The following PHLPP1 variants were observed in gnomAD, a reference collection of about 807,000 sequenced individuals.
PHLPP1 encodes the protein PH domain and leucine rich repeat protein phosphatase 1.
A neutral mutation model predicts 117.2 loss-of-function variants in PHLPP1; 42 were observed. The ratio of observed to expected loss-of-function variants is 0.36; its 90% CI spans 0.28 to 0.46. The LOEUF is 0.46. Among genes scored for constraint, PHLPP1 ranks in the 20% least tolerant of loss-of-function variants. PHLPP1 has a pLI of 1.00. For synonymous variants in PHLPP1, 1,042 were observed against 970.7 expected (o/e 1.07, Z -1.37); for missense variants, 2,084 against 2,241.9 (o/e 0.93, Z 1.42).
At chr18:62,958,565 A>G in intron 12 of PHLPP1, 64 bp from the exon 13 acceptor site, 1 of 1,554,802 alleles carries the variant, frequency 6.4e-7, no homozygotes, top group Non-Finnish European at 8.8e-7. Flanking sequence ...GAGTAGGAGT[A>G]TAGAATTCCC....
intron 3 of PHLPP1, among the ~76,000 whole-genome samples, chr18:62,856,592 T>C (rs1471016036): frequency 6.6e-6 from 1 of 152,114 alleles, no homozygotes; most frequent in East Asian, 1.9e-4. Flanking sequence ...CACGCCCAGC[T>C]AATTAAAAAA....
At chr18:62,946,722 C>T (rs985078615) in intron 12 of PHLPP1, among the ~76,000 whole-genome samples, 1 of 152,186 alleles carries the variant, frequency 6.6e-6, no homozygotes, top group Admixed American at 6.5e-5. Context: ...AACACTGTCT[C>T]ATACATCACA....
At chr18:62,775,811 T>C (rs1454650193) in intron 1 of PHLPP1, among the ~76,000 whole-genome samples, 2 of 152,184 alleles carry the variant, frequency 1.3e-5, no homozygotes, top group Non-Finnish European at 2.9e-5. Context: ...ATTTCCGTCA[T>C]CCCCAGAAGT....
At chr18:62,934,518 T>C (rs971999061) in intron 10 of PHLPP1, among the ~76,000 whole-genome samples, 1 of 152,086 alleles carries the variant, frequency 6.6e-6, no homozygotes, top group Non-Finnish European at 1.5e-5. Flanking sequence ...GGCTAAACAG[T>C]GTATACACAT....
chr18:62,789,682 G>C (rs1203362748), intron 1 of PHLPP1, among the ~76,000 whole-genome samples: 2 of 151,984 alleles, frequency 1.3e-5, no homozygotes, highest in African/African-American at 4.8e-5. Flanking sequence ...TGCTCTGTCT[G>C]GCTTTTGTTT....
chr18:62,748,247 G>GTTTTTTTTTTTTTTT, intron 1 of PHLPP1, among the ~76,000 whole-genome samples: 1 of 137,988 alleles, frequency 7.2e-6, no homozygotes, highest in Non-Finnish European at 1.6e-5. Flanking sequence ...GGTTTTTTTT[G>GTTTTTTTTTTTTTTT]TTTTTTTTTT....
intron 12 of PHLPP1, among the ~76,000 whole-genome samples, chr18:62,954,097 T>C (rs771998953): frequency 6.6e-6 from 1 of 152,224 alleles, no homozygotes; most frequent in Non-Finnish European, 1.5e-5. Flanking sequence ...CTTTAAGATA[T>C]AATGACTTTT....
intron 2 of PHLPP1, among the ~76,000 whole-genome samples, chr18:62,832,819 T>C (rs1427050866): frequency 6.6e-6 from 1 of 152,118 alleles, no homozygotes; most frequent in Non-Finnish European, 1.5e-5. Context: ...TTATTTTTTC[T>C]TTTTAATTTA....
chr18:62,761,192 GC>G (rs764002839), intron 1 of PHLPP1, among the ~76,000 whole-genome samples: 9 of 152,060 alleles, frequency 5.9e-5, no homozygotes, highest in Non-Finnish European at 1.3e-4. Context: ...TAACAATGCT[GC>G]ATATGTGCAG....
At chr18:62,846,649 A>G in intron 3 of PHLPP1, among the ~76,000 whole-genome samples, 1 of 152,184 alleles carries the variant, frequency 6.6e-6, no homozygotes, top group Non-Finnish European at 1.5e-5. Context: ...CCAGTATTAT[A>G]ATTAACTTTC....
At chr18:62,730,954 C>T (rs556033194) in intron 1 of PHLPP1, among the ~76,000 whole-genome samples, 2 of 152,142 alleles carry the variant, frequency 1.3e-5, no homozygotes, top group Non-Finnish European at 2.9e-5. Flanking sequence ...TTAATTAGGG[C>T]TCATTAAGGA....
intron 1 of PHLPP1, among the ~76,000 whole-genome samples, chr18:62,720,035 A>G (rs530173020): frequency 3.9e-5 from 6 of 152,222 alleles, no homozygotes; most frequent in Non-Finnish European, 7.4e-5. Flanking sequence ...AAATTGTTAT[A>G]GCATCTACCA....
chr18:62,717,081 C>T lies in PHLPP1; in HGVS notation c.1398C>T (p.Pro466=), dbSNP rs776125957. The part of the protein sequence containing the change: ...GVTAEKAPPP[P]PPPTLYVQLH... The stretch of plus-strand genomic sequence containing the variant: ...CCGCGGAGAAGGCGCCTCCGCCGCC[C>T]CCGCCGCCCACCCTGTACGTGCAGC... The change falls in exon 1 of 17, where the codon CCC becomes CCT. Residue 466 remains proline, a synonymous_variant. Coordinates refer to ENST00000262719, the MANE Select transcript of PHLPP1 (RefSeq NM_194449.4). 5.2e-6 allele frequency: 8 copies of T among 1,547,714 alleles called. No individual in the cohort carries two copies. Among genetic ancestry groups the T allele is most frequent in the Admixed American group, 2.0e-5 (1 of 51,010 alleles).
chr18:62,777,826 C>G (rs913011423), intron 1 of PHLPP1, among the ~76,000 whole-genome samples: 1 of 152,210 alleles, frequency 6.6e-6, no homozygotes, highest in Non-Finnish European at 1.5e-5. Flanking sequence ...TTGTCTCTCA[C>G]ATTAAAACAC....
chr18:62,966,672 T>G (rs527919971), intron 14 of PHLPP1, among the ~76,000 whole-genome samples: 2 of 152,242 alleles, frequency 1.3e-5, no homozygotes, highest in South Asian at 4.1e-4. Context: ...GGTTTCACTG[T>G]GTTAGCCAGG....
chr18:62,715,813 G>T lies in PHLPP1; in HGVS notation c.130G>T (p.Ala44Ser). 1 of 746,050 alleles carries T rather than the reference G, an allele frequency of 1.3e-6. No individual in the cohort carries two copies. Among genetic ancestry groups the T allele is most frequent in the Non-Finnish European group, 1.6e-6 (1 of 606,754 alleles). The allele number at this position is 746,050 out of a possible 1,614,324, so 46.2% of individuals were successfully genotyped here. The change falls in exon 1 of 17, where the codon GCG becomes TCG. Residue 44 changes from alanine to serine, a missense_variant. Physicochemically the swap from Ala to Ser is moderately conservative, Grantham distance 99. This residue lies in a region of PHLPP1 where 719 missense variants were observed against 636.0 expected (regional missense o/e 1.13). Transcript: ENST00000262719. ...AAAAAAALAA[A>S]AGGGRSPEPA... Reference sequence around the variant, plus strand: ...GGCGGCCGCGGCGGCTCTGGCGGCGGCGGCCGGGGGCGGCCGGAGTCCGGA... The same window carrying T: ...GGCGGCCGCGGCGGCTCTGGCGGCGTCGGCCGGGGGCGGCCGGAGTCCGGA...
rs569999973 is a variant in PHLPP1, at chr18:62,975,358, G to T, written c.3756-39G>T. On this transcript the variant is annotated intron_variant, in intron 15 of 16. Coordinates refer to ENST00000262719, the MANE Select transcript of PHLPP1 (RefSeq NM_194449.4). ...TGAATTTGCAGAACTGGCACTGATG[G>T]GCTGTGTTTGAGTGTCACCCCCTCT... The T allele has an allele frequency of 7.1e-6, 10 of 1,404,922 alleles. No individual in the cohort carries two copies. The South Asian group carries it at 1.2e-4, about 16-fold the overall frequency. 87.0% of individuals were successfully genotyped at this position (1,404,922 alleles called of 1,614,324 possible). A position where few individuals can be genotyped will look rare whatever the true frequency, so the allele number is the denominator to read the frequency against.
At chr18:62,913,738 T>TC (rs1329829621) in intron 8 of PHLPP1, among the ~76,000 whole-genome samples, 3 of 88,930 alleles carry the variant, frequency 3.4e-5, no homozygotes, top group Non-Finnish European at 7.4e-5. Flanking sequence ...TCTCTCTCTC[T>TC]CTTTTTTTTT....
Position 62,843,646 on chromosome 18 carries a change from T to C in PHLPP1, c.1899+4737T>C, listed in dbSNP as rs2144345430. ...TCTTTTGGGAGGATTACTATATTGG[T>C]TGTAAATTCATTCCTAAAATATTAA... On this transcript the variant is annotated intron_variant, in intron 3 of 16. Coordinates refer to ENST00000262719, the MANE Select transcript of PHLPP1 (RefSeq NM_194449.4). Among the ~76,000 whole-genome samples, 3 of 152,336 alleles carry C rather than the reference T, an allele frequency of 2.0e-5. 1 individual carries two copies. The highest frequency in any genetic ancestry group is 2.0e-4 in the Admixed American group (3 of 15,296).
Sources: gnomAD v4.1 joint callset for allele counts (sites outside exome capture counted in the v4.1 genomes callset) on GRCh38, gnomAD v4.1.1 for gene constraint, gnomAD v4.1.1 regional missense constraint, MANE v1.5 for transcripts, NCBI Gene and HGNC (gene_info 2026-07-23, HGNC 2026-07-21) for gene names.